Variants in C19orf47 observed in about 807,000 individuals in gnomAD.
C19orf47 encodes chromosome 19 open reading frame 47.
In C19orf47, 18 loss-of-function variants were observed where a neutral mutation model predicts 32.3. The ratio of observed to expected loss-of-function variants is 0.56; its 90% CI spans 0.39 to 0.83. C19orf47 has a LOEUF of 0.83. Ranked by LOEUF, C19orf47 falls within the 40% of genes least tolerant of loss-of-function variation. C19orf47 has a pLI of 0.00. For missense variants in C19orf47, 484 were observed against 531.6 expected, an observed-to-expected ratio of 0.91 and a Z score of 0.88; for synonymous variants, 202 against 211.1, an observed-to-expected ratio of 0.96 and a Z score of 0.37.
rs1250921296 is a variant in C19orf47, at chr19:40,322,208, C to T, written c.832G>A (p.Ala278Thr). Residue 278 changes from alanine (A) to threonine (T), a missense_variant, in exon 9 of 9, where the codon GCC (alanine) becomes ACC (threonine). Physicochemically the swap from Ala to Thr is moderately conservative, Grantham distance 58 (BLOSUM62 0). Coordinates refer to ENST00000683109, the MANE Select transcript of C19orf47 (RefSeq NM_001256441.2). Reference protein sequence around the residue: ...ASPQPALTVKAKATSSATTAA... With the variant: ...ASPQPALTVKTKATSSATTAA... ...GTTGTCGCTGAGCTTGTGGCCTTGG[C>T]TTTGACAGTCAGTGCTGGCTGGGGA... The T allele has an allele frequency of 1.9e-6, 3 of 1,610,862 alleles. No individual in the cohort carries two copies. The highest frequency in any genetic ancestry group is 1.7e-6 in the Non-Finnish European group (2 of 1,179,968).
chr19:40,334,495 C>A (rs1368425514), intron 4 of C19orf47, among the ~76,000 whole-genome samples: 1 of 151,986 alleles, frequency 6.6e-6, no homozygotes, highest in Non-Finnish European at 1.5e-5. Context: ...CACCTGTAAT[C>A]CCAGCCCTTT....
At chr19:40,339,134 G>A in intron 2 of C19orf47, 1 of 153,118 alleles carries the variant, frequency 6.5e-6, no homozygotes, top group Non-Finnish European at 1.5e-5. Context: ...TCAATTAGTT[G>A]TAAAGACCAA....
chr19:40,325,762 A>G (rs537556275), intron 7 of C19orf47, among the ~76,000 whole-genome samples: 2 of 152,292 alleles, frequency 1.3e-5, no homozygotes, highest in African/African-American at 4.8e-5. Flanking sequence ...TTTTTACTGA[A>G]TATGTTTCTG....
chr19:40,306,306 T>G, the C19orf47 span, among the ~76,000 whole-genome samples: 1 of 152,058 alleles, frequency 6.6e-6, no homozygotes, highest in East Asian at 1.9e-4. Context: ...TGTATCCTTA[T>G]GGAGGGGAGA....
the C19orf47 span, among the ~76,000 whole-genome samples, chr19:40,301,205 T>G: frequency 2.0e-5 from 3 of 151,740 alleles, no homozygotes; most frequent in Non-Finnish European, 4.4e-5. Flanking sequence ...GAATAAGAAT[T>G]ACATGGGACT....
intron 7 of C19orf47, chr19:40,324,440 T>G (rs530467391): frequency 1.1e-5 from 3 of 270,640 alleles, no homozygotes; most frequent in African/African-American, 6.4e-5. Flanking sequence ...AATTATAACC[T>G]AATAGCCATC....
At chr19:40,293,407 A>T in the C19orf47 span, among the ~76,000 whole-genome samples, 3 of 151,606 alleles carry the variant, frequency 2.0e-5, no homozygotes, top group African/African-American at 7.3e-5. Context: ...CAGCCTCCCA[A>T]AGTGCTGGGA....
intron 1 of C19orf47, among the ~76,000 whole-genome samples, chr19:40,345,204 G>GC (rs2078248856): frequency 6.6e-6 from 1 of 152,050 alleles, no homozygotes; most frequent in East Asian, 1.9e-4. Flanking sequence ...CCCATCTCCA[G>GC]CACTGACTTT....
chr19:40,335,916 C>T (rs938005329), intron 4 of C19orf47, among the ~76,000 whole-genome samples, 194 bp downstream of exon 4: 2 of 152,214 alleles, frequency 1.3e-5, no homozygotes, highest in Non-Finnish European at 2.9e-5. Flanking sequence ...GCCAGGTTTG[C>T]CTCTCTTTCA....
chr19:40,302,404 T>A, the C19orf47 span, among the ~76,000 whole-genome samples: 1 of 152,122 alleles, frequency 6.6e-6, no homozygotes. Context: ...TAGTTGGGAC[T>A]ACAGGCATGC....
At chr19:40,329,755 T>C (rs950868331) in intron 5 of C19orf47, among the ~76,000 whole-genome samples, 2 of 152,120 alleles carry the variant, frequency 1.3e-5, no homozygotes, top group African/African-American at 4.8e-5. Flanking sequence ...GTTGGATGGG[T>C]GGCTTTATGT....
Position 40,321,559 on chromosome 19 carries a change from A to C in C19orf47, c.*323T>G. 4.6e-6 allele frequency: 5 copies of C among 1,092,902 alleles called. No homozygotes were observed. Among genetic ancestry groups the C allele is most frequent in the East Asian group, 6.4e-5 (1 of 15,640 alleles). The allele number at this position is 1,092,902 out of a possible 1,614,324, so 67.7% of individuals were successfully genotyped here. Reference sequence around the variant, plus strand: ...GAGGCAGCAGACCCTGCTCAGGGGAAGAAGGGGAATGTAGGAGAGGAAGAA... The same window carrying C: ...GAGGCAGCAGACCCTGCTCAGGGGACGAAGGGGAATGTAGGAGAGGAAGAA... On this transcript the variant is annotated 3_prime_UTR_variant, in exon 9 of 9. Transcript: ENST00000683109.
At chr19:40,342,200 T>G in intron 1 of C19orf47, 1 of 451,326 alleles carries the variant, frequency 2.2e-6, no homozygotes, top group Non-Finnish European at 3.5e-6. Flanking sequence ...TAACAATAAA[T>G]ACCAGCCAAG....
the C19orf47 span, among the ~76,000 whole-genome samples, chr19:40,308,752 CCACGCCCAGAA>C: frequency 1.3e-5 from 2 of 152,142 alleles, no homozygotes; most frequent in Non-Finnish European, 2.9e-5. Flanking sequence ...GCGTGAGCCA[CCACGCCCAGAA>C]TAGAACATTT....
At chr19:40,346,617 C>T (rs181337454) in intron 1 of C19orf47, among the ~76,000 whole-genome samples, 1 of 149,976 alleles carries the variant, frequency 6.7e-6, no homozygotes, top group East Asian at 2.0e-4. Flanking sequence ...ACCTCTGCCT[C>T]CCAGGTTCAA....
Position 40,322,123 on chromosome 19 carries a change from T to C in C19orf47, c.917A>G (p.Lys306Arg). ...ALSSRSGLER[K>R]PESLSKVSII... ...GCTGACTTTAGACAAGGACTCCGGC[T>C]TCCTCTCAAGCCCAGACCGTGAGGA... Residue 306 changes from lysine (K) to arginine (R), a missense_variant, in exon 9 of 9, where the codon AAG becomes AGG. Coordinates refer to ENST00000683109, the MANE Select transcript of C19orf47 (RefSeq NM_001256441.2). 2.5e-6 allele frequency: 4 copies of C among 1,614,114 alleles called. No individual in the cohort carries two copies. Among genetic ancestry groups the C allele is most frequent in the Non-Finnish European group, 3.4e-6 (4 of 1,180,032 alleles).
At chr19:40,319,244 T>C (rs2077684435), downstream of C19orf47, among the ~76,000 whole-genome samples, 1 of 151,468 alleles carries the variant, frequency 6.6e-6, no homozygotes, top group South Asian at 2.1e-4. Context: ...TCCTCCAGCC[T>C]GGGCAACAAG....
chr19:40,343,059 T>C (rs922150047), intron 1 of C19orf47, among the ~76,000 whole-genome samples: 3 of 152,178 alleles, frequency 2.0e-5, no homozygotes, highest in African/African-American at 7.2e-5. Flanking sequence ...AACTTTTTCA[T>C]GTGCTGATTC....
At chr19:40,298,881 A>C in the C19orf47 span, among the ~76,000 whole-genome samples, 2 of 151,910 alleles carry the variant, frequency 1.3e-5, no homozygotes, top group Admixed American at 6.6e-5. Context: ...GAAAGAGAGA[A>C]TCTTTTGTGG....
Sources: allele counts gnomAD v4.1 joint callset (sites outside exome capture counted in the v4.1 genomes callset), GRCh38; gene constraint gnomAD v4.1.1; transcripts MANE v1.5; gene names NCBI Gene and HGNC (gene_info 2026-07-23, HGNC 2026-07-21).